The following EPPIN variants were observed in gnomAD, a reference collection of about 807,000 sequenced individuals.
The protein encoded by EPPIN is epididymal peptidase inhibitor.
A neutral mutation model predicts 18.8 loss-of-function variants in EPPIN; 14 were observed. The ratio of observed to expected loss-of-function variants is 0.75; its 90% CI spans 0.49 to 1.17. EPPIN has a LOEUF of 1.17. Ranked by LOEUF, EPPIN falls within the 50% of genes most tolerant of loss-of-function variation. EPPIN has a pLI of 0.00. For synonymous variants in EPPIN, 57 were observed against 54.8 expected, an observed-to-expected ratio of 1.04 and a Z score of -0.18; for missense variants, 143 against 154.2, an observed-to-expected ratio of 0.93 and a Z score of 0.39.
At position 45,541,073 on chromosome 20, in the gene EPPIN, G is replaced by C. The variant is rs1436266376; in HGVS notation, c.*1071C>G. The C allele has an allele frequency of 2.0e-5, 3 of 152,176 alleles. No homozygotes were observed. Among genetic ancestry groups the C allele is most frequent in the Non-Finnish European group, 4.4e-5 (3 of 68,022 alleles). The allele number at this position is 152,176 out of a possible 1,614,324, so 9.4% of individuals were successfully genotyped here. On this transcript the variant is annotated 3_prime_UTR_variant, in exon 4 of 4. Transcript: ENST00000354280. ...GAAAATGTGGTACATATATGCCATG[G>C]AATACTATGCAGCCATAAAAAGAAA...
At chr20:45,545,794 C>T in intron 1 of EPPIN, 24 bp from the exon 2 acceptor site, 2 of 1,612,818 alleles carry the variant, frequency 1.2e-6, no homozygotes, top group East Asian at 4.5e-5. Flanking sequence ...GGTTTTACAC[C>T]CGTGTGCCTT....
Position 45,541,027 on chromosome 20 carries a change from A to G in EPPIN, c.*1117T>C, listed in dbSNP as rs1292845073. 6.6e-6 allele frequency: 1 copy of G among 152,248 alleles called. No individual in the cohort carries two copies. Among genetic ancestry groups the G allele is most frequent in the Non-Finnish European group, 1.5e-5 (1 of 68,042 alleles). The allele number at this position is 152,248 out of a possible 1,614,324, so 9.4% of individuals were successfully genotyped here. A position where few individuals can be genotyped will look rare whatever the true frequency, so the allele number is the denominator to read the frequency against. On this transcript the variant is annotated 3_prime_UTR_variant, in exon 4 of 4. Coordinates refer to ENST00000354280, the MANE Select transcript of EPPIN (RefSeq NM_020398.4). Reference sequence around the variant, plus strand: ...AAACATGGAATCAAACCAAATATCCATCAACGATAGGCTGGATAAAGAAAA... The same window carrying G: ...AAACATGGAATCAAACCAAATATCCGTCAACGATAGGCTGGATAAAGAAAA...
At chr20:45,546,028 A>G in intron 1 of EPPIN, 1 of 518,868 alleles carries the variant, frequency 1.9e-6, no homozygotes, top group Non-Finnish European at 3.3e-6. Context: ...CACTGGTGAT[A>G]TTTGGGCTGG....
chr20:45,545,752 C>T lies in EPPIN; in HGVS notation c.110G>A (p.Arg37Lys), dbSNP rs1280984629. ...WLFPRRCPKI[R>K]EECEFQERDV... ...CCTTTCTTGGAATTCACATTCTTCT[C>T]TGATTTTGGGACATCTCCCTAGGGA... The change falls in exon 2 of 4, where the codon AGA (arginine) becomes AAA (lysine). Residue 37 changes from arginine (R) to lysine (K), a missense_variant. Arg to Lys is a conservative substitution (Grantham distance 26). Transcript: ENST00000354280. The T allele has an allele frequency of 1.9e-6, 3 of 1,613,904 alleles. No individual in the cohort carries two copies. Among genetic ancestry groups the T allele is most frequent in the African/African-American group, 2.7e-5 (2 of 74,912 alleles).
chr20:45,543,436 T>C (rs973927370), intron 2 of EPPIN: 2 of 152,348 alleles, frequency 1.3e-5, no homozygotes, highest in African/African-American at 4.8e-5. Flanking sequence ...ATAGCAACTC[T>C]ACCAAACAAA....
At chr20:45,545,909 C>G in intron 1 of EPPIN, 139 bp from the exon 2 acceptor site, 2 of 1,325,882 alleles carry the variant, frequency 1.5e-6, no homozygotes, top group Non-Finnish European at 2.1e-6. Context: ...TTCCTCAGGG[C>G]AGCCTCACTC....
At chr20:45,543,126 T>C in intron 2 of EPPIN, 1 of 422,948 alleles carries the variant, frequency 2.4e-6, no homozygotes, top group Non-Finnish European at 4.1e-6. Flanking sequence ...GGTGGGCCCC[T>C]ATACCAATAT....
intron 2 of EPPIN, chr20:45,543,940 A>G (rs1363885168): frequency 6.6e-6 from 1 of 152,172 alleles, no homozygotes; most frequent in Admixed American, 6.6e-5. Context: ...TCAGACATCA[A>G]CTGCTGTGAT....
Position 45,542,808 on chromosome 20 carries a change from A to G in EPPIN, c.283T>C (p.Tyr95His), listed in dbSNP as rs1262714452. The G allele has an allele frequency of 1.9e-6, 3 of 1,613,838 alleles. No individual in the cohort carries two copies. In the Admixed American group the frequency reaches 5.0e-5, roughly 27 times the overall value. Residue 95 changes from tyrosine (Y) to histidine (H), a missense_variant, in exon 3 of 4, where the codon TAT (tyrosine) becomes CAT (histidine). Coordinates refer to ENST00000354280, the MANE Select transcript of EPPIN (RefSeq NM_020398.4). The stretch of plus-strand genomic sequence containing the variant: ...GAGCAAGTATTATCTTTCTTGTCAT[A>G]CCACCAATGAAGAAAATAAGCCAGG... ...PCLAYFLHWW[Y>H]DKKDNTCSMF...
intron 2 of EPPIN, chr20:45,544,746 A>G (rs1979747641): frequency 1.3e-5 from 2 of 152,102 alleles, no homozygotes; most frequent in South Asian, 4.2e-4. Flanking sequence ...ACCTGGTCAT[A>G]TGATGCCCCG....
At chr20:45,543,009 T>C (rs1038155779) in intron 2 of EPPIN, 142 bp from the exon 3 acceptor site, 1 of 1,263,576 alleles carries the variant, frequency 7.9e-7, no homozygotes, top group Non-Finnish European at 1.1e-6. Context: ...ACAGCTCCAC[T>C]GACATATTGC....
chr20:45,542,553 C>G, intron 3 of EPPIN, 147 bp downstream of exon 3: 2 of 1,231,190 alleles, frequency 1.6e-6, no homozygotes, highest in South Asian at 3.1e-5. Flanking sequence ...TGCCTTTTGC[C>G]AGGTGCATTC....
intron 3 of EPPIN, chr20:45,542,421 A>G (rs1979633012): frequency 3.2e-6 from 2 of 634,210 alleles, no homozygotes; most frequent in South Asian, 2.1e-5. Context: ...TTCATCTCTG[A>G]GATTTCACCA....
rs746265586 is a variant in EPPIN, at chr20:45,545,540, G to C, written c.223+99C>G. The C allele has an allele frequency of 2.1e-5, 34 of 1,587,860 alleles. No homozygotes were observed. In the East Asian group the frequency reaches 7.2e-4, roughly 34 times the overall value. ...TCCCAAGTCCAGCAGTTTTGCCAGAGACCAGCCCTCAGCGATCAGGGCACA... is the reference window on the plus strand; with the variant it reads ...TCCCAAGTCCAGCAGTTTTGCCAGACACCAGCCCTCAGCGATCAGGGCACA... On this transcript the variant is annotated intron_variant, in intron 2 of 3. Transcript: ENST00000354280.
intron 2 of EPPIN, chr20:45,543,963 C>T (rs6032289): frequency 0.052 from 7,996 of 152,394 alleles, 486 homozygotes; most frequent in African/African-American, 0.13. Context: ...CACTCTTGAC[C>T]CCATTCTACA....
chr20:45,542,489 C>T (rs919482593), intron 3 of EPPIN: 1 of 724,986 alleles, frequency 1.4e-6, no homozygotes, highest in African/African-American at 1.8e-5. Flanking sequence ...GCATTGATTA[C>T]TTCTACATCC....
chr20:45,542,719 C>T lies in EPPIN; in HGVS notation c.372G>A (p.Leu124=), dbSNP rs1239707419. The change falls in exon 3 of 4, where the codon CTG becomes CTA. Residue 124 remains leucine (L), a synonymous_variant. Transcript: ENST00000354280. ...ACTTACGTTTATTCTTGCAGGTGTT[C>T]AGGCAGTTGGCTTTGGATTGGAAGT... The part of the protein sequence containing the change: ...NNNFQSKANC[L]NTCKNKRFP 1 of 1,613,778 alleles carries T rather than the reference C, an allele frequency of 6.2e-7. No individual in the cohort carries two copies. The highest frequency in any genetic ancestry group is 8.5e-7 in the Non-Finnish European group (1 of 1,179,798).
rs778558072 is a variant in EPPIN, at chr20:45,545,802, C to T, written c.92-32G>A. 17 of 1,611,012 alleles carry T rather than the reference C, an allele frequency of 1.1e-5. No individual in the cohort carries two copies. The Admixed American group carries it at 2.2e-4, about 21-fold the overall frequency. On this transcript the variant is annotated intron_variant, in intron 1 of 3. Transcript: ENST00000354280. ...AAAGAGCGGTTTTACACCCGTGTGC[C>T]TTAGAGAGCATAGTGTCTCCCCACT...
Position 45,545,842 on chromosome 20 carries a change from G to A in EPPIN, c.92-72C>T, listed in dbSNP as rs750482019. The A allele has an allele frequency of 8.2e-6, 13 of 1,585,714 alleles. No homozygotes were observed. The African/African-American group carries it at 1.6e-4, about 20-fold the overall frequency. ...GTCTCCCCACTTTGCCAGACACAAG[G>A]CAATTCTAGAGAGTCAGGGAAGTTT... On this transcript the variant is annotated intron_variant, in intron 1 of 3. Transcript: ENST00000354280.
Sources: allele counts gnomAD v4.1 joint callset, GRCh38; gene constraint gnomAD v4.1.1; transcripts MANE v1.5; gene names NCBI Gene and HGNC (gene_info 2026-07-23, HGNC 2026-07-21).